Variants in RBFOX1 observed in about 807,000 individuals in gnomAD.
RBFOX1 encodes the protein RNA binding fox-1 homolog 1, also known as RNA binding protein fox-1 homolog 1.
Under a neutral mutation model 57.7 loss-of-function variants are expected in RBFOX1, and 8 were observed. That is an observed-to-expected ratio of 0.14 (90% CI 0.08 to 0.25). The LOEUF is 0.25. Among genes scored for constraint, RBFOX1 ranks in the 10% least tolerant of loss-of-function variants. The pLI, the probability that RBFOX1 is intolerant of heterozygous loss-of-function variation, is 1.00. For missense variants in RBFOX1, 611 were observed against 548.5 expected (o/e 1.11, Z -1.14); for synonymous variants, 326 against 222.4 (o/e 1.47, Z -4.15).
chr16:7,621,064 G>A (rs367811663), intron 10 of RBFOX1, among the ~76,000 whole-genome samples: 1 of 152,022 alleles, frequency 6.6e-6, no homozygotes, highest in African/African-American at 2.4e-5. Flanking sequence ...CCCTAGATAA[G>A]AATCTGCATT....
intron 5 of RBFOX1, among the ~76,000 whole-genome samples, chr16:7,528,190 C>T (rs1386225595): frequency 6.6e-6 from 1 of 152,186 alleles, no homozygotes; most frequent in Non-Finnish European, 1.5e-5. Flanking sequence ...CCTTAGGGGG[C>T]TTCACTGGCT....
intron 4 of RBFOX1, among the ~76,000 whole-genome samples, chr16:7,308,919 T>C (rs991118375): frequency 3.3e-5 from 5 of 152,216 alleles, no homozygotes; most frequent in African/African-American, 1.2e-4. Flanking sequence ...TCTGATGATT[T>C]ATAGGGGGCC....
chr16:6,909,839 G>A (rs1221159543), intron 3 of RBFOX1, among the ~76,000 whole-genome samples: 1 of 152,110 alleles, frequency 6.6e-6, no homozygotes, highest in Non-Finnish European at 1.5e-5. Flanking sequence ...TGCAGTTGGG[G>A]GTGTCTGCTC....
chr16:5,330,411 A>C (rs1312432922), intron 1 of RBFOX1, among the ~76,000 whole-genome samples: 1 of 152,016 alleles, frequency 6.6e-6, no homozygotes, highest in Non-Finnish European at 1.5e-5. Flanking sequence ...ATTAAAAGAA[A>C]ATTTTTTTTG....
chr16:5,745,089 C>T (rs1238027179), intron 3 of RBFOX1, among the ~76,000 whole-genome samples: 2 of 152,162 alleles, frequency 1.3e-5, no homozygotes, highest in Admixed American at 6.5e-5. Flanking sequence ...GCTATCCCTC[C>T]CCCTTCCCCC....
At chr16:6,477,341 A>G (rs2095289560) in intron 2 of RBFOX1, among the ~76,000 whole-genome samples, 1 of 152,338 alleles carries the variant, frequency 6.6e-6, no homozygotes, top group South Asian at 2.1e-4. Context: ...CTGGAAATCA[A>G]AATTATTCCT....
intron 1 of RBFOX1, among the ~76,000 whole-genome samples, chr16:6,298,038 A>G (rs1175654053): frequency 6.6e-6 from 1 of 152,180 alleles, no homozygotes; most frequent in Non-Finnish European, 1.5e-5. Flanking sequence ...GGTCCTCTGC[A>G]TTTGCAAATA....
At chr16:5,839,225 A>G (rs1174335049) in intron 3 of RBFOX1, among the ~76,000 whole-genome samples, 2 of 152,224 alleles carry the variant, frequency 1.3e-5, no homozygotes, top group Non-Finnish European at 2.9e-5. Context: ...GACTCCAGCT[A>G]TATTTCCCCA....
At chr16:6,341,268 T>C (rs546411421) in intron 2 of RBFOX1, among the ~76,000 whole-genome samples, 76 of 152,312 alleles carry the variant, frequency 5.0e-4, no homozygotes, top group African/African-American at 1.8e-3. Flanking sequence ...TTCCTTGGCT[T>C]GTGGCGTCCT....
Position 5,793,296 on chromosome 16 carries a change from C to T in RBFOX1, c.319-74007C>T, listed in dbSNP as rs114850482. Among the ~76,000 whole-genome samples, 170 of 152,348 alleles carry T rather than the reference C, an allele frequency of 1.1e-3. 1 individual carries two copies. Among genetic ancestry groups the T allele is most frequent in the African/African-American group, 3.9e-3 (161 of 41,592 alleles). On this transcript the variant is annotated intron_variant, in intron 3 of 19. Coordinates refer to the RBFOX1 transcript ENST00000641259. Reference sequence around the variant, plus strand: ...CTCTGCTTCTCCCCTGGCCCGCCTCCGAAACTCAGCTTAACCGTGTTTGTT... The same window carrying T: ...CTCTGCTTCTCCCCTGGCCCGCCTCTGAAACTCAGCTTAACCGTGTTTGTT...
At chr16:6,196,170 A>G (rs909520315) in intron 1 of RBFOX1, among the ~76,000 whole-genome samples, 1 of 152,134 alleles carries the variant, frequency 6.6e-6, no homozygotes, top group Non-Finnish European at 1.5e-5. Context: ...CCCTTTTCAG[A>G]TGCAGAAACT....
At chr16:6,717,496 G>A (rs534957419) in intron 3 of RBFOX1, among the ~76,000 whole-genome samples, 1 of 152,138 alleles carries the variant, frequency 6.6e-6, no homozygotes, top group South Asian at 2.1e-4. Flanking sequence ...CAAACTTGGA[G>A]GTTTAGAAGC....
chr16:6,700,524 G>A (rs907768100), intron 3 of RBFOX1, among the ~76,000 whole-genome samples: 1 of 152,040 alleles, frequency 6.6e-6, no homozygotes, highest in Non-Finnish European at 1.5e-5. Context: ...TGGGTGAGGT[G>A]GTGGGTGCCT....
chr16:7,084,883 C>A (rs1218885023), intron 4 of RBFOX1, among the ~76,000 whole-genome samples: 1 of 152,068 alleles, frequency 6.6e-6, no homozygotes, highest in East Asian at 1.9e-4. Context: ...ATCTATCTAT[C>A]TTCTATCCGT....
intron 3 of RBFOX1, among the ~76,000 whole-genome samples, chr16:6,825,964 G>T (rs565410287): frequency 6.6e-6 from 1 of 152,130 alleles, no homozygotes; most frequent in Non-Finnish European, 1.5e-5. Flanking sequence ...TTAACGATAC[G>T]AGTTTCCATG....
intron 3 of RBFOX1, among the ~76,000 whole-genome samples, chr16:6,938,996 C>G (rs1054741132): frequency 6.6e-6 from 1 of 152,060 alleles, no homozygotes; most frequent in African/African-American, 2.4e-5. Flanking sequence ...TGTAACTGTT[C>G]TTGTAGTCAC....
rs188771720 is a variant in RBFOX1 at position 6,164,754 on chromosome 16, C to T, written c.-127+144762C>T. On this transcript the variant is annotated intron_variant, in intron 1 of 15. Transcript: ENST00000550418. ...TGGCCTTCCAAAGTGCTGGTGTGAC[C>T]CACCGTGCCCAGCCTATATGGAAAT... Among the ~76,000 whole-genome samples, 13 of 152,030 alleles carry T rather than the reference C, an allele frequency of 8.6e-5. No homozygotes were observed. The East Asian group carries it at 2.3e-3, about 27-fold the overall frequency.
At chr16:7,523,400 T>G (rs952916917) in intron 5 of RBFOX1, among the ~76,000 whole-genome samples, 2 of 152,210 alleles carry the variant, frequency 1.3e-5, no homozygotes, top group African/African-American at 4.8e-5. Flanking sequence ...TCCATCTACA[T>G]TGCCTTCATT....
At chr16:5,336,790 G>A (rs1280018482) in intron 1 of RBFOX1, among the ~76,000 whole-genome samples, 1 of 152,176 alleles carries the variant, frequency 6.6e-6, no homozygotes, top group Non-Finnish European at 1.5e-5. Context: ...GGCTAGCTTT[G>A]CCTTCAGCTC....
Sources: gnomAD v4.1 joint callset for allele counts (sites outside exome capture counted in the v4.1 genomes callset) on GRCh38, gnomAD v4.1.1 for gene constraint, MANE v1.5 for transcripts, NCBI Gene and HGNC (gene_info 2026-07-23, HGNC 2026-07-21) for gene names.